BRINP2: variants seen among roughly 807,000 people sequenced by gnomAD.
BRINP2 encodes the protein BMP/retinoic acid inducible neural specific 2.
Under a neutral mutation model 69.2 loss-of-function variants are expected in BRINP2, and 21 were observed. The observed-to-expected ratio is 0.30, with a 90% CI of 0.22 to 0.44. The LOEUF (loss-of-function observed/expected upper bound fraction) is 0.44. BRINP2 is among the 20% of genes least tolerant of loss of function. BRINP2 has a pLI of 1.00. For synonymous variants in BRINP2, 380 were observed against 394.1 expected, an observed-to-expected ratio of 0.96 and a Z score of 0.42; for missense variants, 877 against 986.0, an observed-to-expected ratio of 0.89 and a Z score of 1.48.
chr1:177,208,993 C>T (rs1323777206), intron 1 of BRINP2, among the ~76,000 whole-genome samples: 1 of 152,102 alleles, frequency 6.6e-6, no homozygotes, highest in African/African-American at 2.4e-5. Context: ...TGTGCTGCAT[C>T]ACCAAGAGTG....
At chr1:177,273,652 C>T in intron 5 of BRINP2, 59 bp downstream of exon 5, 1 of 1,092,486 alleles carries the variant, frequency 9.2e-7, no homozygotes, top group South Asian at 2.0e-5. Flanking sequence ...AAAAAAATTC[C>T]TAGATCAAAT....
At chr1:177,175,296 G>A (rs1292046676) in intron 1 of BRINP2, among the ~76,000 whole-genome samples, 1 of 152,022 alleles carries the variant, frequency 6.6e-6, no homozygotes, top group East Asian at 1.9e-4. Context: ...GGGGTGGGGG[G>A]GGCAGGATGC....
intron 2 of BRINP2, among the ~76,000 whole-genome samples, chr1:177,253,403 T>G (rs1255904572): frequency 6.6e-6 from 1 of 152,122 alleles, no homozygotes; most frequent in Non-Finnish European, 1.5e-5. Context: ...TCTTTTGCTA[T>G]TAAGTTATTT....
At chr1:177,247,988 A>G (rs886296362) in intron 2 of BRINP2, among the ~76,000 whole-genome samples, 2 of 152,170 alleles carry the variant, frequency 1.3e-5, no homozygotes, top group African/African-American at 4.8e-5. Flanking sequence ...CTGCATGCTT[A>G]GGATACAGGG....
chr1:177,208,620 T>C (rs1649129813), intron 1 of BRINP2, among the ~76,000 whole-genome samples: 2 of 152,174 alleles, frequency 1.3e-5, no homozygotes, highest in African/African-American at 2.4e-5. Flanking sequence ...GCCACAGATT[T>C]TTTTTTTCTT....
rs1648623209 is a variant in BRINP2 at position 177,192,565 on chromosome 1, C to T, written c.-77+20833C>T. ...GTTGGTTTGTGGGAGGAAATGAGCC[C>T]ATCCTAGCTCTAGTCTTATTAAGAA... On this transcript the variant is annotated intron_variant, in intron 1 of 7. Coordinates refer to ENST00000361539, the MANE Select transcript of BRINP2 (RefSeq NM_021165.4). Among the ~76,000 whole-genome samples, 3 of 152,082 alleles carry T rather than the reference C, an allele frequency of 2.0e-5. No homozygotes were observed. In the South Asian group the frequency reaches 6.2e-4, roughly 32 times the overall value.
rs2102351325 is a variant in BRINP2, at chr1:177,262,383, A to G, written c.669+4999A>G. ...AAAAATTAGCTGGGCAAGGTGGTGC[A>G]CCCCTGTAGTCCCAGCTACTTGGGA... On this transcript the variant is annotated intron_variant, in intron 4 of 7. Coordinates refer to ENST00000361539, the MANE Select transcript of BRINP2 (RefSeq NM_021165.4). 1.3e-5 allele frequency among the ~76,000 whole-genome samples: 2 copies of G among 151,968 alleles called. 1 individual carries two copies. The highest frequency in any genetic ancestry group is 4.8e-5 in the African/African-American group (2 of 41,454).
In BRINP2 at chr1:177,266,586, G is replaced by C. The variant is rs369180441; in HGVS notation, c.670-6902G>C. Among the ~76,000 whole-genome samples the C allele has an allele frequency of 1.1e-4, 17 of 151,170 alleles. No homozygotes were observed. The East Asian group carries it at 1.4e-3, about 12-fold the overall frequency. ...CATCCTGGCTAACATGGTGAAACCC[G>C]GTCTCTACTAAAAATACCAAAAAAT... is the stretch of plus-strand genomic sequence containing the variant. On this transcript the variant is annotated intron_variant, in intron 4 of 7. Transcript: ENST00000361539.
At chr1:177,175,604 A>G (rs1648066929) in intron 1 of BRINP2, among the ~76,000 whole-genome samples, 1 of 152,176 alleles carries the variant, frequency 6.6e-6, no homozygotes, top group Non-Finnish European at 1.5e-5. Flanking sequence ...CCATTCCAAC[A>G]TAGAGGAAGT....
intron 1 of BRINP2, among the ~76,000 whole-genome samples, chr1:177,215,332 T>C (rs1390984088): frequency 6.6e-6 from 1 of 152,226 alleles, no homozygotes. Context: ...AATTCATATG[T>C]TGCTTTGAGT....
At chr1:177,253,244 C>G (rs1029564644) in intron 2 of BRINP2, among the ~76,000 whole-genome samples, 2 of 152,054 alleles carry the variant, frequency 1.3e-5, no homozygotes, top group Non-Finnish European at 2.9e-5. Flanking sequence ...GCCATTCTAA[C>G]TAGGGTGAGG....
intron 7 of BRINP2, among the ~76,000 whole-genome samples, chr1:177,279,848 C>T (rs940345888): frequency 7.9e-5 from 12 of 152,084 alleles, no homozygotes; most frequent in South Asian, 2.1e-4. Flanking sequence ...AACAGGGTTA[C>T]GTGATGGAGA....
chr1:177,261,493 T>G (rs928084396), intron 4 of BRINP2, among the ~76,000 whole-genome samples: 1 of 152,208 alleles, frequency 6.6e-6, no homozygotes, highest in Admixed American at 6.5e-5. Flanking sequence ...TTCCATTTAC[T>G]GAGAAGGACA....
chr1:177,191,152 C>T (rs1001062437), intron 1 of BRINP2, among the ~76,000 whole-genome samples: 3 of 152,178 alleles, frequency 2.0e-5, no homozygotes, highest in Non-Finnish European at 2.9e-5. Context: ...GATCTCAATG[C>T]TAAAAAGCCC....
intron 1 of BRINP2, among the ~76,000 whole-genome samples, chr1:177,210,245 T>G (rs2102310294): frequency 6.6e-6 from 1 of 152,294 alleles, no homozygotes; most frequent in Admixed American, 6.5e-5. Context: ...GGTGCCATTC[T>G]GCTGTGTGCT....
chr1:177,280,270 G>C, intron 7 of BRINP2, 142 bp from the exon 8 acceptor site: 1 of 887,656 alleles, frequency 1.1e-6, no homozygotes, highest in South Asian at 1.7e-5. Context: ...GCAAAGTAGA[G>C]TTTCTGCCAC....
At chr1:177,213,231 C>A (rs1649279392) in intron 1 of BRINP2, among the ~76,000 whole-genome samples, 1 of 152,110 alleles carries the variant, frequency 6.6e-6, no homozygotes, top group African/African-American at 2.4e-5. Context: ...CAGCGTTTCT[C>A]GATCTTAGCA....
At chr1:177,258,857 C>A (rs778602270) in intron 4 of BRINP2, among the ~76,000 whole-genome samples, 1 of 152,222 alleles carries the variant, frequency 6.6e-6, no homozygotes, top group African/African-American at 2.4e-5. Context: ...GGTCCACCAA[C>A]TGGCTGTTCC....
In BRINP2 at chr1:177,230,181, T is replaced by C. The variant is rs79000061; in HGVS notation, c.269+36T>C. ...GCCTCCACTGAGACAGGGGCTTCCC[T>C]AAGAACCCAACCTGCACAGGCCCTG... On this transcript the variant is annotated intron_variant, in intron 2 of 7. Transcript: ENST00000361539. 3.3e-3 allele frequency: 5,079 copies of C among 1,559,710 alleles called. 152 individuals are homozygous for C. The African/African-American group carries it at 0.061, about 19-fold the overall frequency.
Sources: allele counts gnomAD v4.1 joint callset (sites outside exome capture counted in the v4.1 genomes callset), GRCh38; gene constraint gnomAD v4.1.1; transcripts MANE v1.5; gene names NCBI Gene and HGNC (gene_info 2026-07-23, HGNC 2026-07-21).